The following EYA2 variants were observed in gnomAD, a reference collection of about 807,000 sequenced individuals.
The protein encoded by EYA2 is protein phosphatase EYA2.
A neutral mutation model predicts 69.2 loss-of-function variants in EYA2; 31 were observed. The observed-to-expected ratio is 0.45, with a 90% CI of 0.34 to 0.60. EYA2 has a LOEUF of 0.60. Among genes scored for constraint, EYA2 ranks in the 20% least tolerant of loss-of-function variants. EYA2 has a pLI of 0.02. For missense variants in EYA2, 622 were observed against 701.2 expected, an observed-to-expected ratio of 0.89 and a Z score of 1.28; for synonymous variants, 257 against 279.4, an observed-to-expected ratio of 0.92 and a Z score of 0.80.
At chr20:47,137,566 G>A (rs2033505087) in intron 9 of EYA2, among the ~76,000 whole-genome samples, 1 of 152,222 alleles carries the variant, frequency 6.6e-6, no homozygotes. Flanking sequence ...GTCAGACAGA[G>A]GGTTGCCTCC....
At chr20:47,053,361 C>G (rs931762740) in intron 5 of EYA2, among the ~76,000 whole-genome samples, 1 of 152,126 alleles carries the variant, frequency 6.6e-6, no homozygotes, top group African/African-American at 2.4e-5. Flanking sequence ...ATCTCTACTT[C>G]ATTCATAAAA....
chr20:46,945,991 G>A (rs1978430406), intron 1 of EYA2, among the ~76,000 whole-genome samples: 1 of 152,166 alleles, frequency 6.6e-6, no homozygotes, highest in Admixed American at 6.5e-5. Context: ...GAGCACACTC[G>A]CAACCCAAGA....
intron 1 of EYA2, among the ~76,000 whole-genome samples, chr20:46,980,548 T>C (rs1600604014): frequency 6.6e-6 from 1 of 152,372 alleles, no homozygotes; most frequent in East Asian, 1.9e-4. Flanking sequence ...ATATAATGTA[T>C]ACAGATCAAA....
At chr20:47,004,768 A>C (rs1388860195) in intron 3 of EYA2, 174 bp from the exon 4 acceptor site, 1 of 836,752 alleles carries the variant, frequency 1.2e-6, no homozygotes, top group East Asian at 2.5e-5. Context: ...CAGAAAATGT[A>C]ATCTTCCTGC....
chr20:47,074,364 A>C (rs1266078069), intron 7 of EYA2, 29 bp downstream of exon 7: 1 of 1,609,380 alleles, frequency 6.2e-7, no homozygotes, highest in Non-Finnish European at 8.5e-7. Flanking sequence ...GGGGCCATTC[A>C]TGGCTGTGGT....
chr20:46,926,177 TTAAC>T (rs1388063112), intron 1 of EYA2, among the ~76,000 whole-genome samples: 4 of 152,272 alleles, frequency 2.6e-5, no homozygotes, highest in South Asian at 2.1e-4. Context: ...TTAGGACTAA[TTAAC>T]TATTAATTAG....
intron 1 of EYA2, among the ~76,000 whole-genome samples, chr20:46,954,432 C>CA (rs1978993660): frequency 6.6e-6 from 1 of 152,224 alleles, no homozygotes; most frequent in Non-Finnish European, 1.5e-5. Flanking sequence ...AGTAAAGAAG[C>CA]AATGTCTCAA....
At chr20:47,072,372 C>A in intron 6 of EYA2, 120 bp downstream of exon 6, 2 of 983,716 alleles carry the variant, frequency 2.0e-6, no homozygotes, top group Non-Finnish European at 3.1e-6. Context: ...CCTCTTAGTC[C>A]CTGGGTTTGG....
At chr20:47,031,352 G>A (rs555929944) in intron 5 of EYA2, among the ~76,000 whole-genome samples, 86 of 152,192 alleles carry the variant, frequency 5.7e-4, no homozygotes, top group Non-Finnish European at 8.1e-4. Context: ...TTCTAAAACA[G>A]GGCAGGTGAT....
At chr20:46,910,339 C>T (rs561485319) in intron 1 of EYA2, among the ~76,000 whole-genome samples, 1 of 152,178 alleles carries the variant, frequency 6.6e-6, no homozygotes, top group Admixed American at 6.5e-5. Context: ...CTTATGAGAA[C>T]TCTGTCACAA....
At chr20:47,009,625 G>C (rs1982937633) in intron 4 of EYA2, among the ~76,000 whole-genome samples, 1 of 152,100 alleles carries the variant, frequency 6.6e-6, no homozygotes, top group Non-Finnish European at 1.5e-5. Context: ...TTATGTAGAA[G>C]AGATCAACAA....
intron 1 of EYA2, among the ~76,000 whole-genome samples, chr20:46,897,574 C>A (rs1164988850): frequency 6.6e-6 from 1 of 152,186 alleles, no homozygotes; most frequent in Non-Finnish European, 1.5e-5. Flanking sequence ...TTTTAGGTGT[C>A]CTCAGCTGGA....
intron 9 of EYA2, among the ~76,000 whole-genome samples, chr20:47,125,900 AAGAG>A (rs1185657548): frequency 2.6e-5 from 4 of 152,066 alleles, no homozygotes; most frequent in South Asian, 2.1e-4. Flanking sequence ...TTTTCTTTAA[AAGAG>A]AGAGGGGAGG....
intron 10 of EYA2, among the ~76,000 whole-genome samples, chr20:47,152,673 T>G (rs1193815041): frequency 6.6e-6 from 1 of 151,532 alleles, no homozygotes; most frequent in Non-Finnish European, 1.5e-5. Flanking sequence ...TAGATGGGTG[T>G]GGCAGCGGGT....
chr20:46,965,515 C>G (rs1002605496), intron 1 of EYA2, among the ~76,000 whole-genome samples: 20 of 152,210 alleles, frequency 1.3e-4, no homozygotes, highest in Non-Finnish European at 5.9e-5. Context: ...GCTGGAAGGT[C>G]CCAGCCCCGC....
intron 7 of EYA2, among the ~76,000 whole-genome samples, chr20:47,080,434 T>G: frequency 1.2e-5 from 1 of 86,478 alleles, no homozygotes; most frequent in African/African-American, 4.8e-5. Context: ...GGGAGGGAAA[T>G]GAGGGAGGGG....
Position 47,169,093 on chromosome 20 carries a change from C to G in EYA2, c.979-46C>G, listed in dbSNP as rs771465871. The G allele has an allele frequency of 1.9e-6, 3 of 1,569,818 alleles. No individual in the cohort carries two copies. In the African/African-American group the frequency reaches 4.1e-5, roughly 21 times the overall value. ...CCCTTGAAGGCTACATCAGATTAAC[C>G]AGGCATGTTCTCTCTCTCTCTCTCT... On this transcript the variant is annotated intron_variant, in intron 10 of 15. Transcript: ENST00000327619.
chr20:47,117,100 C>T (rs1367501519), intron 9 of EYA2, among the ~76,000 whole-genome samples: 1 of 150,228 alleles, frequency 6.7e-6, no homozygotes, highest in African/African-American at 2.5e-5. Flanking sequence ...GCAACCTCTG[C>T]CCCCTGGGTT....
intron 8 of EYA2, among the ~76,000 whole-genome samples, chr20:47,095,018 A>C (rs1198259839): frequency 6.6e-6 from 1 of 152,076 alleles, no homozygotes; most frequent in African/African-American, 2.4e-5. Context: ...TGTCTCAAAA[A>C]AAATTTTTTT....
Sources: allele counts gnomAD v4.1 joint callset (sites outside exome capture counted in the v4.1 genomes callset), GRCh38; gene constraint gnomAD v4.1.1; transcripts MANE v1.5; gene names NCBI Gene and HGNC (gene_info 2026-07-23, HGNC 2026-07-21).